The following ADAMTS3 variants were observed in gnomAD, a reference collection of about 807,000 sequenced individuals.
ADAMTS3 encodes the protein ADAM metallopeptidase with thrombospondin type 1 motif 3.
ADAMTS3 carries 73 observed loss-of-function variants against 129.0 expected under a neutral mutation model. The ratio of observed to expected loss-of-function variants is 0.57; its 90% CI spans 0.47 to 0.69. The LOEUF (loss-of-function observed/expected upper bound fraction) is 0.69, where lower values mean the gene tolerates loss of function less well. Among genes scored for constraint, ADAMTS3 ranks in the 30% least tolerant of loss-of-function variants. The probability of loss-of-function intolerance (pLI) is 0.00; values close to 1 mark genes in which losing one functional copy is unlikely to be tolerated. For missense variants in ADAMTS3, 1,457 were observed against 1,514.5 expected (o/e 0.96, Z 0.63); for synonymous variants, 477 against 510.8 (o/e 0.93, Z 0.89).
At chr4:72,391,172 G>T (rs926281311) in intron 4 of ADAMTS3, among the ~76,000 whole-genome samples, 7 of 152,162 alleles carry the variant, frequency 4.6e-5, no homozygotes, top group Non-Finnish European at 1.0e-4. Flanking sequence ...AGGGAAGAAA[G>T]AATAAAGGGT....
intron 4 of ADAMTS3, among the ~76,000 whole-genome samples, chr4:72,347,756 G>C (rs993040999): frequency 6.6e-6 from 1 of 151,818 alleles, no homozygotes; most frequent in Admixed American, 6.6e-5. Flanking sequence ...GGTAATAGAA[G>C]AGTAGAGGAA....
chr4:72,409,242 T>C (rs1722127856), intron 4 of ADAMTS3, among the ~76,000 whole-genome samples: 1 of 152,184 alleles, frequency 6.6e-6, no homozygotes, highest in South Asian at 2.1e-4. Flanking sequence ...GTGTTTTATA[T>C]TGAAAAGGAG....
At chr4:72,530,959 G>A (rs1019411128) in intron 3 of ADAMTS3, among the ~76,000 whole-genome samples, 11 of 148,474 alleles carry the variant, frequency 7.4e-5, no homozygotes, top group Non-Finnish European at 1.2e-4. Context: ...AGTCTTAAAA[G>A]TCATAGTAAA....
At chr4:72,436,693 C>T (rs1425011645) in intron 3 of ADAMTS3, among the ~76,000 whole-genome samples, 1 of 152,052 alleles carries the variant, frequency 6.6e-6, no homozygotes, top group African/African-American at 2.4e-5. Context: ...AGGATGAGTT[C>T]ATGTCCTTTA....
In ADAMTS3 at chr4:72,350,304, T is replaced by C. The variant is rs756945793; in HGVS notation, c.662-10611A>G. 2.8e-4 allele frequency among the ~76,000 whole-genome samples: 42 copies of C among 152,078 alleles called. 2 individuals are homozygous for C. The highest frequency in any genetic ancestry group is 3.9e-4 in the Admixed American group (6 of 15,238). ...TATCGACCATATGGATGGAAAATAA[T>C]GGGCATTTTTATATCTTCTATGTTT... On this transcript the variant is annotated intron_variant, in intron 4 of 21. Transcript: ENST00000286657.
At chr4:72,349,589 A>G (rs2109842661) in intron 4 of ADAMTS3, among the ~76,000 whole-genome samples, 1 of 152,162 alleles carries the variant, frequency 6.6e-6, no homozygotes, top group East Asian at 1.9e-4. Flanking sequence ...TCTAAAAAAT[A>G]AAATGTTGCC....
intron 3 of ADAMTS3, among the ~76,000 whole-genome samples, chr4:72,473,361 A>T (rs1037956175): frequency 6.6e-6 from 1 of 151,852 alleles, no homozygotes; most frequent in Non-Finnish European, 1.5e-5. Flanking sequence ...TTTGCAGTGG[A>T]AAAAAAAGTT....
chr4:72,354,938 T>C (rs1720540295), intron 4 of ADAMTS3, among the ~76,000 whole-genome samples: 1 of 152,018 alleles, frequency 6.6e-6, no homozygotes, highest in African/African-American at 2.4e-5. Flanking sequence ...ACACCTATCC[T>C]ACATTCTGCC....
chr4:72,299,153 C>A (rs921233036), intron 17 of ADAMTS3, among the ~76,000 whole-genome samples: 1 of 150,220 alleles, frequency 6.7e-6, no homozygotes, highest in Non-Finnish European at 1.5e-5. Flanking sequence ...ATGCACATTT[C>A]TCAAAATATT....
intron 3 of ADAMTS3, among the ~76,000 whole-genome samples, chr4:72,478,626 C>T (rs1387594265): frequency 0.08 from 7,050 of 88,404 alleles, no homozygotes; most frequent in African/African-American, 0.16. Context: ...CCTTTGAAAA[C>T]TGGCACAAGA....
chr4:72,499,290 C>A (rs1719948023), intron 3 of ADAMTS3, among the ~76,000 whole-genome samples: 2 of 152,140 alleles, frequency 1.3e-5, no homozygotes, highest in South Asian at 2.1e-4. Context: ...TAAGCGCAAG[C>A]TTTAGATACT....
chr4:72,519,200 G>A (rs56126439), intron 3 of ADAMTS3, among the ~76,000 whole-genome samples: 47,798 of 151,830 alleles, frequency 0.31, 7,618 homozygotes, highest in Middle Eastern at 0.35. Context: ...TTTCTGCCGA[G>A]AGATCCGCTG....
chr4:72,400,331 T>TGC (rs1721877728), intron 4 of ADAMTS3, among the ~76,000 whole-genome samples: 1 of 143,228 alleles, frequency 7.0e-6, no homozygotes, highest in African/African-American at 2.8e-5. Context: ...TGTGTATATA[T>TGC]ACACACGGTG....
At chr4:72,495,944 A>T (rs1398970813) in intron 3 of ADAMTS3, among the ~76,000 whole-genome samples, 1 of 152,222 alleles carries the variant, frequency 6.6e-6, no homozygotes, top group East Asian at 1.9e-4. Flanking sequence ...CATGTAAGCA[A>T]TCTTGTCAAC....
chr4:72,402,931 A>G (rs1281126996), intron 4 of ADAMTS3, among the ~76,000 whole-genome samples: 1 of 152,046 alleles, frequency 6.6e-6, no homozygotes, highest in African/African-American at 2.4e-5. Context: ...AGTTGCTTAT[A>G]CCTAGGTCTT....
chr4:72,458,916 T>C (rs1261458888), intron 3 of ADAMTS3, among the ~76,000 whole-genome samples: 1 of 151,578 alleles, frequency 6.6e-6, no homozygotes, highest in Admixed American at 6.6e-5. Flanking sequence ...TGACCCGATT[T>C]TATCAAGCTC....
At chr4:72,317,237 T>C (rs556620384) in intron 10 of ADAMTS3, among the ~76,000 whole-genome samples, 1 of 152,342 alleles carries the variant, frequency 6.6e-6, no homozygotes, top group South Asian at 2.1e-4. Flanking sequence ...TAATCCTTAT[T>C]ATCGAATGTG....
chr4:72,419,740 ACT>A (rs1722397161), intron 3 of ADAMTS3, among the ~76,000 whole-genome samples: 1 of 151,814 alleles, frequency 6.6e-6, no homozygotes, highest in African/African-American at 2.4e-5. Context: ...AAGTACAAAA[ACT>A]CCTGGCACAC....
intron 4 of ADAMTS3, among the ~76,000 whole-genome samples, chr4:72,342,503 A>G (rs979188736): frequency 6.6e-6 from 1 of 151,878 alleles, no homozygotes; most frequent in Non-Finnish European, 1.5e-5. Flanking sequence ...AGCTGGGATT[A>G]CAGGCACACA....
Sources: allele counts gnomAD v4.1 joint callset (sites outside exome capture counted in the v4.1 genomes callset), GRCh38; gene constraint gnomAD v4.1.1; transcripts MANE v1.5; gene names NCBI Gene and HGNC (gene_info 2026-07-23, HGNC 2026-07-21).